The following KCNB2 variants were observed in gnomAD, a reference collection of about 807,000 sequenced individuals.
KCNB2 encodes the protein delayed rectifier potassium channel protein.
Under a neutral mutation model 61.5 loss-of-function variants are expected in KCNB2, and 15 were observed. That is an observed-to-expected ratio of 0.24 (90% confidence interval 0.16 to 0.38). The LOEUF is 0.38. Ranked by LOEUF, KCNB2 falls within the 10% of genes least tolerant of loss-of-function variation. The pLI is 1.00. For missense variants in KCNB2, 828 were observed against 1,125.2 expected, an observed-to-expected ratio of 0.74 and a Z score of 3.78; for synonymous variants, 457 against 446.0, an observed-to-expected ratio of 1.02 and a Z score of -0.31.
intron 1 of KCNB2, among the ~76,000 whole-genome samples, chr8:72,554,886 G>A (rs897999568): frequency 6.6e-6 from 1 of 152,008 alleles, no homozygotes; most frequent in African/African-American, 2.4e-5. Context: ...GATAGTAGAT[G>A]TTATACATGT....
intron 2 of KCNB2, among the ~76,000 whole-genome samples, chr8:72,851,797 C>T (rs550865596): frequency 3.1e-5 from 3 of 95,524 alleles, no homozygotes; most frequent in African/African-American, 1.1e-4. Context: ...CTTTCTTCTT[C>T]CTTTTTTTTT....
At chr8:72,698,009 C>T (rs1166000964) in intron 2 of KCNB2, among the ~76,000 whole-genome samples, 2 of 151,916 alleles carry the variant, frequency 1.3e-5, no homozygotes, top group Non-Finnish European at 2.9e-5. Context: ...CACCATTCTG[C>T]AATCACACAA....
chr8:72,763,272 C>G (rs1490098337), intron 2 of KCNB2, among the ~76,000 whole-genome samples: 2 of 152,002 alleles, frequency 1.3e-5, no homozygotes, highest in Non-Finnish European at 2.9e-5. Flanking sequence ...GTGCAGATTC[C>G]TAGGCCCAAC....
chr8:72,639,184 A>T (rs1050108457), intron 2 of KCNB2, among the ~76,000 whole-genome samples: 3 of 152,166 alleles, frequency 2.0e-5, no homozygotes, highest in African/African-American at 7.2e-5. Flanking sequence ...TTGGAAACTG[A>T]TGAACACATC....
intron 2 of KCNB2, among the ~76,000 whole-genome samples, chr8:72,896,562 T>C (rs1399970270): frequency 1.3e-5 from 2 of 152,296 alleles, no homozygotes; most frequent in South Asian, 2.1e-4. Flanking sequence ...TGCAGATATG[T>C]GTCTGTGTAA....
intron 2 of KCNB2, among the ~76,000 whole-genome samples, chr8:72,644,524 C>T (rs1322957338): frequency 6.6e-6 from 1 of 152,132 alleles, no homozygotes; most frequent in African/African-American, 2.4e-5. Context: ...TTAGAAAAGC[C>T]TTGCAAAATT....
At chr8:72,697,260 T>C (rs778391976) in intron 2 of KCNB2, among the ~76,000 whole-genome samples, 3 of 152,160 alleles carry the variant, frequency 2.0e-5, no homozygotes, top group Non-Finnish European at 4.4e-5. Flanking sequence ...ATTGAGATAA[T>C]ACTTGTAAAA....
At chr8:72,677,110 T>G (rs56264725) in intron 2 of KCNB2, among the ~76,000 whole-genome samples, 63,077 of 151,836 alleles carry the variant, frequency 0.42, 15,028 homozygotes, top group Non-Finnish European at 0.56. Context: ...GACACAGACG[T>G]ACACATGGAG....
intron 2 of KCNB2, among the ~76,000 whole-genome samples, chr8:72,867,055 T>G (rs1052132314): frequency 7.2e-5 from 11 of 152,198 alleles, no homozygotes; most frequent in African/African-American, 2.7e-4. Flanking sequence ...TCCCAAACTA[T>G]ATCTTGCACT....
rs796222096 is a variant in KCNB2, at chr8:72,841,361, C to CTTTTTTT, written c.580-94570_580-94564dup. On this transcript the variant is annotated intron_variant, in intron 2 of 2. Coordinates refer to ENST00000523207, the MANE Select transcript of KCNB2 (RefSeq NM_004770.3). ...GATACCTCCAACTTTGTTTTCTTTT[C>CTTTTTTT]TTTTTTTTTTCTTTTTTTTTTTTTT... Among the ~76,000 whole-genome samples, 8 of 66,192 alleles carry CTTTTTTT rather than the reference C, an allele frequency of 1.2e-4. 1 individual carries two copies. Among genetic ancestry groups the CTTTTTTT allele is most frequent in the African/African-American group, 2.7e-4 (5 of 18,550 alleles). The allele number at this position is 66,192 out of a possible 152,430, so 43.4% of individuals were successfully genotyped here.
intron 2 of KCNB2, among the ~76,000 whole-genome samples, chr8:72,717,054 C>G (rs1370946273): frequency 6.6e-6 from 1 of 151,896 alleles, no homozygotes; most frequent in Non-Finnish European, 1.5e-5. Context: ...GAGGGAACTC[C>G]CATTCACAAT....
At chr8:72,632,793 G>A (rs10096328) in intron 2 of KCNB2, among the ~76,000 whole-genome samples, 34,376 of 152,062 alleles carry the variant, frequency 0.23, 4,214 homozygotes, top group African/African-American at 0.29. Context: ...TGTGTGTGTG[G>A]TCATTGCCAC....
intron 1 of KCNB2, among the ~76,000 whole-genome samples, chr8:72,549,644 A>G (rs928691621): frequency 2.0e-5 from 3 of 152,200 alleles, no homozygotes; most frequent in African/African-American, 7.2e-5. Flanking sequence ...TGCTGTCGTC[A>G]TATTTCTTCA....
At chr8:72,549,472 A>G (rs1373943184) in intron 1 of KCNB2, among the ~76,000 whole-genome samples, 1 of 152,234 alleles carries the variant, frequency 6.6e-6, no homozygotes, top group African/African-American at 2.4e-5. Context: ...ACTTCTGCTT[A>G]TATTCCACTG....
intron 2 of KCNB2, among the ~76,000 whole-genome samples, chr8:72,846,743 A>C (rs1810001241): frequency 6.6e-6 from 1 of 152,180 alleles, no homozygotes; most frequent in African/African-American, 2.4e-5. Context: ...GTGATCATTA[A>C]AAAGTCAAGA....
chr8:72,921,464 A>G (rs1806518953), intron 2 of KCNB2, among the ~76,000 whole-genome samples: 1 of 152,194 alleles, frequency 6.6e-6, no homozygotes, highest in African/African-American at 2.4e-5. Context: ...GGTATGGTAC[A>G]TAGTTAAACT....
At chr8:72,587,087 G>T (rs897688300) in intron 2 of KCNB2, among the ~76,000 whole-genome samples, 1 of 152,170 alleles carries the variant, frequency 6.6e-6, no homozygotes, top group African/African-American at 2.4e-5. Flanking sequence ...CAGTTCTTGA[G>T]ATTTTTTTCC....
intron 1 of KCNB2, among the ~76,000 whole-genome samples, chr8:72,538,243 A>G (rs1806143207): frequency 6.6e-6 from 1 of 152,090 alleles, no homozygotes; most frequent in Non-Finnish European, 1.5e-5. Flanking sequence ...GATGTCTCTG[A>G]TGTATGAACG....
At chr8:72,651,833 A>C (rs1806215226) in intron 2 of KCNB2, among the ~76,000 whole-genome samples, 1 of 152,098 alleles carries the variant, frequency 6.6e-6, no homozygotes, top group Non-Finnish European at 1.5e-5. Flanking sequence ...TAGTATATGT[A>C]ACTGTCTACT....
Sources: allele counts gnomAD v4.1 joint callset (sites outside exome capture counted in the v4.1 genomes callset), GRCh38; gene constraint gnomAD v4.1.1; transcripts MANE v1.5; gene names NCBI Gene and HGNC (gene_info 2026-07-23, HGNC 2026-07-21).